The following CENPP variants were observed in gnomAD, a reference collection of about 807,000 sequenced individuals.
The protein encoded by CENPP is centromere protein P.
In CENPP, 24 loss-of-function variants were observed where a neutral mutation model predicts 35.6. The observed-to-expected ratio is 0.67, with a 90% confidence interval of 0.49 to 0.95. The LOEUF (loss-of-function observed/expected upper bound fraction) is 0.95, where lower values mean the gene tolerates loss of function less well. Among genes scored for constraint, CENPP ranks in the 40% least tolerant of loss-of-function variants. CENPP has a pLI of 0.00. For synonymous variants in CENPP, 120 were observed against 125.5 expected (o/e 0.96, Z 0.29); for missense variants, 332 against 345.3 (o/e 0.96, Z 0.31).
At chr9:92,504,709 T>A (rs1347242185) in intron 5 of CENPP, among the ~76,000 whole-genome samples, 4 of 152,050 alleles carry the variant, frequency 2.6e-5, no homozygotes, top group South Asian at 2.1e-4. Context: ...TATTTTTTTT[T>A]AATATATCTT....
chr9:92,372,053 A>AG (rs994468731), intron 4 of CENPP, among the ~76,000 whole-genome samples: 1 of 149,146 alleles, frequency 6.7e-6, no homozygotes, highest in Non-Finnish European at 1.5e-5. Flanking sequence ...AAAAAAAAAA[A>AG]AAAAAAAGTG....
At chr9:92,453,938 G>C (rs1844795172) in intron 5 of CENPP, among the ~76,000 whole-genome samples, 2 of 151,528 alleles carry the variant, frequency 1.3e-5, no homozygotes, top group African/African-American at 2.4e-5. Flanking sequence ...TGGACAATTT[G>C]TGGAAAGACC....
intron 5 of CENPP, chr9:92,502,569 T>A: frequency 6.2e-7 from 1 of 1,612,454 alleles, no homozygotes; most frequent in Non-Finnish European, 8.5e-7. Context: ...TGTTATAACG[T>A]AGTACAATGA....
At chr9:92,443,897 AG>A (rs1258452125) in intron 5 of CENPP, among the ~76,000 whole-genome samples, 1 of 152,144 alleles carries the variant, frequency 6.6e-6, no homozygotes, top group African/African-American at 2.4e-5. Context: ...TCCTGACCTC[AG>A]GCAGTCCACC....
chr9:92,352,540 A>G (rs1256401620), intron 4 of CENPP, among the ~76,000 whole-genome samples: 1 of 53,188 alleles, frequency 1.9e-5, no homozygotes, highest in Non-Finnish European at 3.3e-5. Context: ...TATATATATA[A>G]TATAACGGGG....
intron 5 of CENPP, among the ~76,000 whole-genome samples, chr9:92,389,396 C>T (rs1358663279): frequency 6.6e-6 from 1 of 152,118 alleles, no homozygotes; most frequent in African/African-American, 2.4e-5. Flanking sequence ...GAAAATCTCC[C>T]TATAGAATTT....
chr9:92,512,332 A>G (rs1021585210), intron 5 of CENPP, among the ~76,000 whole-genome samples: 4 of 152,196 alleles, frequency 2.6e-5, no homozygotes, highest in Non-Finnish European at 4.4e-5. Flanking sequence ...CATAGTTGAC[A>G]TTTTCTCTCT....
At chr9:92,602,433 G>C (rs746216189) in intron 5 of CENPP, among the ~76,000 whole-genome samples, 1 of 152,186 alleles carries the variant, frequency 6.6e-6, no homozygotes, top group Non-Finnish European at 1.5e-5. Flanking sequence ...GTGGGGCCGC[G>C]TCTGAGGCAC....
intron 5 of CENPP, among the ~76,000 whole-genome samples, chr9:92,603,435 A>G (rs1049827306): frequency 6.6e-5 from 10 of 152,176 alleles, no homozygotes; most frequent in African/African-American, 2.2e-4. Flanking sequence ...TCTGAAGTTT[A>G]TCATACTTCT....
intron 4 of CENPP, among the ~76,000 whole-genome samples, chr9:92,358,637 A>G (rs1841655844): frequency 6.6e-6 from 1 of 151,614 alleles, no homozygotes; most frequent in African/African-American, 2.4e-5. Flanking sequence ...AGGTTTGGTG[A>G]TTTTTCTTTC....
intron 5 of CENPP, among the ~76,000 whole-genome samples, chr9:92,410,199 G>A (rs555623748): frequency 6.6e-6 from 1 of 152,284 alleles, no homozygotes; most frequent in Admixed American, 6.5e-5. Flanking sequence ...GCCTCCTGAA[G>A]TGCTGGGATT....
chr9:92,500,828 CA>C (rs1178000369), intron 5 of CENPP: 1 of 1,614,144 alleles, frequency 6.2e-7, no homozygotes, highest in East Asian at 2.2e-5. Context: ...ATAATTCTCT[CA>C]GAGAATGATA....
chr9:92,473,454 G>A (rs1045081969), intron 5 of CENPP, among the ~76,000 whole-genome samples: 1 of 152,120 alleles, frequency 6.6e-6, no homozygotes, highest in Admixed American at 6.5e-5. Context: ...GGTAGGTAAC[G>A]TTTTTTCTTG....
intron 5 of CENPP, among the ~76,000 whole-genome samples, chr9:92,498,305 T>C (rs1846474268): frequency 6.6e-6 from 1 of 152,060 alleles, no homozygotes; most frequent in Non-Finnish European, 1.5e-5. Context: ...AAGACAATCA[T>C]AGACGTTGGG....
intron 3 of CENPP, among the ~76,000 whole-genome samples, chr9:92,344,395 T>G (rs192439863): frequency 1.3e-5 from 2 of 152,264 alleles, no homozygotes; most frequent in East Asian, 3.9e-4. Context: ...TTCCTTTCTT[T>G]GCTTTTTTTT....
At chr9:92,437,288 T>G (rs1291430135) in intron 5 of CENPP, among the ~76,000 whole-genome samples, 1 of 152,248 alleles carries the variant, frequency 6.6e-6, no homozygotes, top group Non-Finnish European at 1.5e-5. Context: ...AATTGGGTTT[T>G]TGTCTTATTA....
At chr9:92,464,732 C>T in intron 5 of CENPP, 2 of 693,016 alleles carry the variant, frequency 2.9e-6, no homozygotes, top group South Asian at 3.0e-5. Flanking sequence ...AAAATTGTGG[C>T]TTAATTCTGT....
intron 5 of CENPP, among the ~76,000 whole-genome samples, chr9:92,446,991 GC>G (rs2131013545): frequency 6.6e-6 from 1 of 152,056 alleles, no homozygotes; most frequent in Non-Finnish European, 1.5e-5. Flanking sequence ...AAACAGAGTA[GC>G]TACCTGTGGG....
intron 5 of CENPP, chr9:92,414,561 A>G (rs1843531742): frequency 4.8e-6 from 1 of 209,668 alleles, no homozygotes; most frequent in Non-Finnish European, 9.7e-6. Context: ...TTGGGTCCTT[A>G]GTACCTGGAT....
Sources: allele counts gnomAD v4.1 joint callset (sites outside exome capture counted in the v4.1 genomes callset), GRCh38; gene constraint gnomAD v4.1.1; transcripts MANE v1.5; gene names NCBI Gene and HGNC (gene_info 2026-07-23, HGNC 2026-07-21).